Variants in ASXL3 observed in about 807,000 individuals in gnomAD.
ASXL3 encodes ASXL transcriptional regulator 3.
In ASXL3, 34 loss-of-function variants were observed where a neutral mutation model predicts 170.6. The ratio of observed to expected loss-of-function variants is 0.20; its 90% CI spans 0.15 to 0.27. ASXL3 has a LOEUF of 0.27. Among genes scored for constraint, ASXL3 ranks in the 10% least tolerant of loss-of-function variants. ASXL3 has a pLI of 1.00. For synonymous variants in ASXL3, 1,002 were observed against 989.1 expected (o/e 1.01, Z -0.24); for missense variants, 2,592 against 2,695.3 (o/e 0.96, Z 0.85).
chr18:33,739,797 C>G lies in ASXL3; in HGVS notation c.2393C>G (p.Thr798Ser), dbSNP rs1388907369. ...GCCAAACCTCTGGGAGAGAACCTTA[C>G]CTCCCAGCAGAAGAATCTGTCTAAT... ...ATAKPLGENLTSQQKNLSNTP... is the reference protein window; with the variant it reads ...ATAKPLGENLSSQQKNLSNTP... Residue 798 changes from threonine (T) to serine (S), a missense_variant, in exon 11 of 12, where the codon ACC (threonine) becomes AGC (serine). By Grantham distance (58) the Thr-to-Ser change is moderately conservative. Transcript: ENST00000269197. The G allele has an allele frequency of 6.2e-7, 1 of 1,613,812 alleles. No individual in the cohort carries two copies. The highest frequency in any genetic ancestry group is 1.1e-5 in the South Asian group (1 of 91,078).
intron 8 of ASXL3, among the ~76,000 whole-genome samples, chr18:33,715,801 G>A (rs1353457180): frequency 6.6e-6 from 1 of 152,072 alleles, no homozygotes; most frequent in Non-Finnish European, 1.5e-5. Context: ...TTGAGACATA[G>A]GTAAAGAGAC....
chr18:33,708,321 A>C lies in ASXL3; in HGVS notation c.880-23647A>C, dbSNP rs536301052. On this transcript the variant is annotated intron_variant, in intron 8 of 11. Coordinates refer to ENST00000269197, the MANE Select transcript of ASXL3 (RefSeq NM_030632.3). ...TTTTCTATCGTCTCAGTTTTCATAA[A>C]TTGTTTCTGGGAATAAAAAAATTAA... Among the ~76,000 whole-genome samples the C allele has an allele frequency of 3.3e-5, 5 of 152,176 alleles. No homozygotes were observed. In the South Asian group the frequency reaches 1.0e-3, roughly 31 times the overall value.
chr18:33,725,886 A>ACTTAT (rs1203121377), intron 8 of ASXL3, among the ~76,000 whole-genome samples: 1 of 152,046 alleles, frequency 6.6e-6, no homozygotes, highest in African/African-American at 2.4e-5. Context: ...TGGTTTGTAT[A>ACTTAT]CTTATCTTGA....
chr18:33,696,734 C>A (rs994354061), intron 8 of ASXL3, among the ~76,000 whole-genome samples: 3 of 152,068 alleles, frequency 2.0e-5, no homozygotes, highest in Non-Finnish European at 4.4e-5. Context: ...TCTATAACAG[C>A]AAGATCCGAT....
At chr18:33,588,585 A>G (rs1599371791) in intron 1 of ASXL3, among the ~76,000 whole-genome samples, 1 of 152,070 alleles carries the variant, frequency 6.6e-6, no homozygotes, top group African/African-American at 2.4e-5. Context: ...CATTGTTCCC[A>G]GTGTGTCATG....
chr18:33,705,637 G>A (rs879482276), intron 8 of ASXL3, among the ~76,000 whole-genome samples: 4 of 151,800 alleles, frequency 2.6e-5, no homozygotes, highest in Non-Finnish European at 4.4e-5. Context: ...AATGCCAAAT[G>A]TTCCTCAACT....
intron 4 of ASXL3, chr18:33,649,596 A>C (rs2145208135): frequency 6.6e-6 from 1 of 152,252 alleles, no homozygotes; most frequent in South Asian, 2.1e-4. Context: ...GGACCACTCT[A>C]CAAGTACAGA....
At chr18:33,651,106 T>C (rs2065990459) in intron 4 of ASXL3, among the ~76,000 whole-genome samples, 1 of 152,144 alleles carries the variant, frequency 6.6e-6, no homozygotes, top group African/African-American at 2.4e-5. Context: ...TAGCCAGTCA[T>C]CATTGGTACG....
chr18:33,689,055 G>A (rs563853743), intron 8 of ASXL3, among the ~76,000 whole-genome samples: 4 of 151,540 alleles, frequency 2.6e-5, no homozygotes, highest in East Asian at 3.9e-4. Flanking sequence ...GTGCAGTGGC[G>A]TGATCTCCGC....
At position 33,746,072 on chromosome 18, in the gene ASXL3, T is replaced by C. The variant is rs887712526; in HGVS notation, c.6224T>C (p.Ile2075Thr). The change falls in exon 12 of 12, where the codon ATA (isoleucine) becomes ACA (threonine). Residue 2075 changes from isoleucine to threonine, a missense_variant. By Grantham distance (89) the Ile-to-Thr change is moderately conservative. Coordinates refer to ENST00000269197, the MANE Select transcript of ASXL3 (RefSeq NM_030632.3). ...KRLSWPQSTG[I>T]CSNIKSEPLS... is the part of the protein sequence containing the mutation. ...CTTAGTTGGCCACAGTCCACGGGCA[T>C]ATGTAGCAATATAAAATCGGAACCT... The C allele has an allele frequency of 1.7e-5, 27 of 1,613,098 alleles. No individual in the cohort carries two copies. The highest frequency in any genetic ancestry group is 2.2e-5 in the Non-Finnish European group (26 of 1,179,828).
intron 8 of ASXL3, among the ~76,000 whole-genome samples, chr18:33,721,667 A>C (rs1393337335): frequency 6.6e-6 from 1 of 152,106 alleles, no homozygotes; most frequent in African/African-American, 2.4e-5. Context: ...ATTTCTCTCT[A>C]AAATTTACTT....
chr18:33,650,617 T>C (rs1043249061), intron 4 of ASXL3, among the ~76,000 whole-genome samples: 1 of 152,090 alleles, frequency 6.6e-6, no homozygotes, highest in Non-Finnish European at 1.5e-5. Flanking sequence ...ACTCAGCCAA[T>C]AGTGAAACCA....
At chr18:33,591,113 T>TTCATGTAGGAATTTATGGACA (rs1391679772) in intron 1 of ASXL3, among the ~76,000 whole-genome samples, 5 of 152,204 alleles carry the variant, frequency 3.3e-5, no homozygotes, top group African/African-American at 4.8e-5. Context: ...GATTCCTTAT[T>TTCATGTAGGAATTTATGGACA]TCATGTAGGA....
chr18:33,646,378 T>G (rs1568302001), intron 4 of ASXL3, 25 bp downstream of exon 4: 1 of 1,516,472 alleles, frequency 6.6e-7, no homozygotes, highest in Non-Finnish European at 9.1e-7. Flanking sequence ...TTCCAAAATA[T>G]AATCCCTTGT....
At chr18:33,686,690 A>C (rs1034483135) in intron 8 of ASXL3, among the ~76,000 whole-genome samples, 2 of 152,166 alleles carry the variant, frequency 1.3e-5, no homozygotes, top group African/African-American at 4.8e-5. Context: ...GCTGAGGGGG[A>C]ATATAGTCTA....
chr18:33,705,370 T>A (rs2066939733), intron 8 of ASXL3, among the ~76,000 whole-genome samples: 1 of 151,450 alleles, frequency 6.6e-6, no homozygotes, highest in Admixed American at 6.6e-5. Flanking sequence ...TTTTGTTTTT[T>A]TTTTTAATTT....
At chr18:33,580,703 A>G (rs1284296948) in intron 1 of ASXL3, among the ~76,000 whole-genome samples, 1 of 152,220 alleles carries the variant, frequency 6.6e-6, no homozygotes, top group African/African-American at 2.4e-5. Context: ...TTTTGTTAAA[A>G]GTTGGATTTT....
intron 8 of ASXL3, among the ~76,000 whole-genome samples, chr18:33,688,432 A>G (rs941393463): frequency 1.3e-5 from 2 of 152,188 alleles, no homozygotes; most frequent in African/African-American, 4.8e-5. Flanking sequence ...TGTCCAGACA[A>G]TCATTATGTG....
At chr18:33,695,208 C>G (rs1257143129) in intron 8 of ASXL3, among the ~76,000 whole-genome samples, 1 of 152,014 alleles carries the variant, frequency 6.6e-6, no homozygotes, top group African/African-American at 2.4e-5. Flanking sequence ...ATGAAAAATA[C>G]TAGTATCTTA....
Sources: gnomAD v4.1 joint callset for allele counts (sites outside exome capture counted in the v4.1 genomes callset) on GRCh38, gnomAD v4.1.1 for gene constraint, MANE v1.5 for transcripts, NCBI Gene and HGNC (gene_info 2026-07-23, HGNC 2026-07-21) for gene names.